MAST4: variants seen among roughly 807,000 people sequenced by gnomAD.
The protein encoded by MAST4 is microtubule-associated serine/threonine-protein kinase 4.
In MAST4, 89 loss-of-function variants were observed where a neutral mutation model predicts 162.7. The ratio of observed to expected loss-of-function variants is 0.55; its 90% CI spans 0.46 to 0.65. The LOEUF (loss-of-function observed/expected upper bound fraction) is 0.65. Ranked by LOEUF, MAST4 falls within the 30% of genes least tolerant of loss-of-function variation. The pLI is 0.00. For synonymous variants in MAST4, 1,479 were observed against 1,361.1 expected (o/e 1.09, Z -1.91); for missense variants, 3,153 against 3,374.0 (o/e 0.93, Z 1.62).
chr5:66,877,429 G>A (rs761743327), intron 3 of MAST4, among the ~76,000 whole-genome samples: 1 of 152,162 alleles, frequency 6.6e-6, no homozygotes, highest in South Asian at 2.1e-4. Flanking sequence ...ACTGAAGCAG[G>A]GTGAAGTTCA....
intron 3 of MAST4, among the ~76,000 whole-genome samples, chr5:66,846,964 C>T (rs375628813): frequency 6.6e-6 from 1 of 152,144 alleles, no homozygotes; most frequent in East Asian, 1.9e-4. Context: ...GTCTACCTCC[C>T]TGGCACTCAT....
In MAST4 at chr5:67,144,624, C is replaced by G. The variant is rs775623213; in HGVS notation, c.2731-45C>G. ...AGACTTGGAGTGTTTTTCTGACAAA[C>G]TCTTTTTAGTAGATATTAATAAGCA... On this transcript the variant is annotated intron_variant, in intron 21 of 28. Coordinates refer to ENST00000403625, the MANE Select transcript of MAST4 (RefSeq NM_001164664.2). 3.8e-6 allele frequency: 6 copies of G among 1,591,858 alleles called. No individual in the cohort carries two copies. The Admixed American group carries it at 8.7e-5, about 23-fold the overall frequency.
chr5:66,969,018 A>T (rs1747098906), intron 4 of MAST4, among the ~76,000 whole-genome samples: 1 of 152,238 alleles, frequency 6.6e-6, no homozygotes, highest in Non-Finnish European at 1.5e-5. Flanking sequence ...TCCCTAGCCC[A>T]TGTAGCATAA....
intron 4 of MAST4, among the ~76,000 whole-genome samples, chr5:66,977,171 G>A (rs1748250309): frequency 6.6e-6 from 1 of 152,122 alleles, no homozygotes; most frequent in African/African-American, 2.4e-5. Flanking sequence ...TGCGATCTCG[G>A]CTCACCGTAA....
chr5:66,630,064 T>A (rs2149420165), intron 1 of MAST4, among the ~76,000 whole-genome samples: 1 of 152,178 alleles, frequency 6.6e-6, no homozygotes, highest in East Asian at 1.9e-4. Context: ...CAACACTGGG[T>A]ACATATTAGA....
intron 4 of MAST4, among the ~76,000 whole-genome samples, chr5:66,920,691 G>A (rs182421057): frequency 2.0e-4 from 30 of 152,026 alleles, no homozygotes; most frequent in African/African-American, 5.5e-4. Context: ...GGGTTTCTCC[G>A]TGTTGGTCAG....
At position 67,149,518 on chromosome 5, in the gene MAST4, A is replaced by T. The variant is rs1177520323; in HGVS notation, c.3224A>T (p.Glu1075Val). 3 of 1,613,826 alleles carry T rather than the reference A, an allele frequency of 1.9e-6. No homozygotes were observed. The highest frequency in any genetic ancestry group is 1.1e-5 in the South Asian group (1 of 90,982). ...GCTCGGCAGCGATTAGAAAGCACAG[A>T]AAAAAAGAAAATCTCGGGGAAAGTC... is the stretch of plus-strand genomic sequence containing the variant. ...HMARQRLEST[E>V]KKKISGKVTK... Residue 1075 changes from glutamate (E) to valine (V), a missense_variant, in exon 24 of 29, where the codon GAA becomes GTA. Glu to Val is a moderately radical substitution (Grantham distance 121). Transcript: ENST00000403625.
In MAST4 at chr5:66,866,923, T is replaced by C. The variant is rs573778906; in HGVS notation, c.643-33028T>C. ...GGCTACCACGGCAGGCTTTTTTGTT[T>C]GTTTGTTTGTTTGTTTGTTTTTTAA... On this transcript the variant is annotated intron_variant, in intron 3 of 28. Transcript: ENST00000403625. 1.8e-3 allele frequency among the ~76,000 whole-genome samples: 273 copies of C among 152,048 alleles called. 2 individuals are homozygous for C. The highest frequency in any genetic ancestry group is 6.1e-3 in the African/African-American group (255 of 41,514).
At chr5:66,870,374 A>G (rs993032384) in intron 3 of MAST4, among the ~76,000 whole-genome samples, 4 of 152,144 alleles carry the variant, frequency 2.6e-5, no homozygotes, top group Non-Finnish European at 5.9e-5. Flanking sequence ...GGGATGTCTA[A>G]CCCTAAGAAG....
At chr5:66,941,311 T>G in intron 4 of MAST4, among the ~76,000 whole-genome samples, 1 of 152,164 alleles carries the variant, frequency 6.6e-6, no homozygotes, top group East Asian at 1.9e-4. Flanking sequence ...GAAGGCTGTA[T>G]TGTCTACATT....
At chr5:66,670,430 T>C (rs1747534455) in intron 1 of MAST4, among the ~76,000 whole-genome samples, 1 of 152,206 alleles carries the variant, frequency 6.6e-6, no homozygotes, top group African/African-American at 2.4e-5. Flanking sequence ...CTTAGGTGAA[T>C]TGATTCCTTC....
chr5:66,995,062 G>A (rs751781715), intron 4 of MAST4, among the ~76,000 whole-genome samples: 2 of 152,126 alleles, frequency 1.3e-5, no homozygotes, highest in Non-Finnish European at 2.9e-5. Context: ...GAAAATACCC[G>A]TTTGCCCAGT....
intron 3 of MAST4, among the ~76,000 whole-genome samples, chr5:66,789,529 T>C (rs72761249): frequency 8.5e-4 from 129 of 152,326 alleles, no homozygotes; most frequent in African/African-American, 3.1e-3. Flanking sequence ...TAATGGCTTA[T>C]TTTTAAGGGA....
At chr5:66,665,185 G>T (rs1211347346) in intron 1 of MAST4, among the ~76,000 whole-genome samples, 1 of 152,158 alleles carries the variant, frequency 6.6e-6, no homozygotes, top group African/African-American at 2.4e-5. Flanking sequence ...TGAGGTAATA[G>T]CTATTGGGAC....
intron 3 of MAST4, among the ~76,000 whole-genome samples, chr5:66,838,704 G>A (rs530717442): frequency 2.0e-5 from 3 of 152,214 alleles, no homozygotes; most frequent in Non-Finnish European, 4.4e-5. Flanking sequence ...GGATGAACAG[G>A]TACTGATTAG....
rs957962030 is a variant in MAST4, at chr5:67,082,252, G to A, written c.764-7910G>A. 4.6e-4 allele frequency among the ~76,000 whole-genome samples: 70 copies of A among 150,854 alleles called. 1 individual carries two copies. Among genetic ancestry groups the A allele is most frequent in the Non-Finnish European group, 8.3e-4 (56 of 67,832 alleles). On this transcript the variant is annotated intron_variant, in intron 5 of 28. Transcript: ENST00000403625. ...CAACTTCTGCCCCCGGGGTGCAAGC[G>A]ATTCTTCTGCCTCAGCCTCCTGAGT...
At chr5:66,658,414 G>C (rs1303451755) in intron 1 of MAST4, among the ~76,000 whole-genome samples, 1 of 152,162 alleles carries the variant, frequency 6.6e-6, no homozygotes, top group African/African-American at 2.4e-5. Flanking sequence ...TTGTAGAACT[G>C]TTATGGGTTT....
chr5:66,926,078 G>T (rs1273211403), intron 4 of MAST4, among the ~76,000 whole-genome samples: 1 of 151,980 alleles, frequency 6.6e-6, no homozygotes, highest in Non-Finnish European at 1.5e-5. Flanking sequence ...GTCAAGGAGA[G>T]GTTTCGGCAT....
At chr5:67,137,915 A>G (rs924831004) in intron 19 of MAST4, among the ~76,000 whole-genome samples, 3 of 152,248 alleles carry the variant, frequency 2.0e-5, no homozygotes, top group Non-Finnish European at 2.9e-5. Context: ...CAGACCCTGC[A>G]TTAGAGAATC....
Sources: gnomAD v4.1 joint callset for allele counts (sites outside exome capture counted in the v4.1 genomes callset) on GRCh38, gnomAD v4.1.1 for gene constraint, MANE v1.5 for transcripts, NCBI Gene and HGNC (gene_info 2026-07-23, HGNC 2026-07-21) for gene names.